WDFY4: variants seen among roughly 807,000 people sequenced by gnomAD.
The protein encoded by WDFY4 is WDFY family member 4, also known as WD repeat- and FYVE domain-containing protein 4.
In WDFY4, 169 loss-of-function variants were observed where a neutral mutation model predicts 351.9. The observed-to-expected ratio is 0.48, with a 90% CI of 0.42 to 0.55. The LOEUF (loss-of-function observed/expected upper bound fraction) is 0.55, where lower values mean the gene tolerates loss of function less well. Ranked by LOEUF, WDFY4 falls within the 20% of genes least tolerant of loss-of-function variation. WDFY4 has a pLI of 0.00. For synonymous variants in WDFY4, 1,622 were observed against 1,574.6 expected, an observed-to-expected ratio of 1.03 and a Z score of -0.71; for missense variants, 3,803 against 3,935.6, an observed-to-expected ratio of 0.97 and a Z score of 0.90.
At chr10:48,768,904 A>G (rs2065769527) in intron 13 of WDFY4, among the ~76,000 whole-genome samples, 1 of 152,192 alleles carries the variant, frequency 6.6e-6, no homozygotes, top group Admixed American at 6.5e-5. Context: ...TGGAAAGGAC[A>G]TTCCCAGCTT....
intron 13 of WDFY4, among the ~76,000 whole-genome samples, chr10:48,772,183 G>A (rs1482329379): frequency 2.6e-5 from 4 of 152,134 alleles, no homozygotes. Flanking sequence ...GGAGAGTGAG[G>A]GAAGCCGGGC....
chr10:48,811,302 G>A (rs752216472), intron 29 of WDFY4, among the ~76,000 whole-genome samples: 2 of 152,168 alleles, frequency 1.3e-5, no homozygotes, highest in Non-Finnish European at 2.9e-5. Context: ...CTGCCCTGTT[G>A]CCTCCTACAT....
chr10:48,692,730 G>A (rs1215328666), intron 1 of WDFY4, among the ~76,000 whole-genome samples: 3 of 152,224 alleles, frequency 2.0e-5, no homozygotes, highest in Non-Finnish European at 2.9e-5. Context: ...GACTGTGCCA[G>A]CCAAGGGCTT....
intron 1 of WDFY4, among the ~76,000 whole-genome samples, chr10:48,705,621 A>G (rs1025493210): frequency 1.3e-5 from 2 of 152,214 alleles, no homozygotes; most frequent in African/African-American, 4.8e-5. Flanking sequence ...GGGCAGCTGC[A>G]GCTTGGCATT....
At chr10:48,698,750 C>T (rs553374001) in intron 1 of WDFY4, among the ~76,000 whole-genome samples, 10 of 152,234 alleles carry the variant, frequency 6.6e-5, no homozygotes, top group East Asian at 1.9e-4. Context: ...ACAGGTCTGG[C>T]GGGTGAAGGG....
chr10:48,688,342 GA>G (rs373721699), intron 1 of WDFY4, among the ~76,000 whole-genome samples: 15 of 150,144 alleles, frequency 1.0e-4, no homozygotes, highest in South Asian at 6.3e-4. Context: ...GCTTTCAACA[GA>G]AAAAAAAACT....
intron 57 of WDFY4, among the ~76,000 whole-genome samples, chr10:48,974,527 A>AAAACAACAAAAAAAAAAAAACAAAACAAC: frequency 4.3e-5 from 1 of 23,148 alleles, no homozygotes; most frequent in African/African-American, 7.3e-5. Flanking sequence ...AAAAAAAAAA[A>AAAACAACAAAAAAAAAAAAACAAAACAAC]AACAACTCAT....
At chr10:48,748,948 C>T (rs1026094353) in intron 12 of WDFY4, among the ~76,000 whole-genome samples, 6 of 152,052 alleles carry the variant, frequency 3.9e-5, no homozygotes, top group Admixed American at 6.6e-5. Context: ...GGAGTCAGGC[C>T]TGCTTGTTCT....
In WDFY4 at chr10:48,946,045, G is replaced by GA. The variant is rs772385789; in HGVS notation, c.7757dup (p.Asn2586LysfsTer31). ...GCTGCACATCTGCCTTCTAGACATTGAACTTGGCAAATCCGAAGATTTTCC... is the reference window on the plus strand; with the variant it reads ...GCTGCACATCTGCCTTCTAGACATTGAAACTTGGCAAATCCGAAGATTTTCC... On this transcript the variant is annotated frameshift_variant, in exon 50 of 62. Transcript: ENST00000325239. LOFTEE classifies it high-confidence loss of function. 2.6e-6 allele frequency: 4 copies of GA among 1,543,362 alleles called. No individual in the cohort carries two copies. The highest frequency in any genetic ancestry group is 3.5e-6 in the Non-Finnish European group (4 of 1,144,618).
chr10:48,979,568 AGGATGGATGGATGGATGGAT>A (rs5784784), intron 60 of WDFY4: 4 of 145,040 alleles, frequency 2.8e-5, no homozygotes, highest in Non-Finnish European at 4.5e-5. Context: ...GATGGATGGA[AGGATGGATGGATGGATGGAT>A]GGATGGATGG....
rs5784784 is a variant in WDFY4 at position 48,979,568 on chromosome 10, A to AGGATGGATGGAT, written c.9376+1219_9376+1230dup. Reference sequence around the variant, plus strand: ...ATGGGTAAATGGATGGATGGATGGAAGGATGGATGGATGGATGGATGGATG... The same window carrying AGGATGGATGGAT: ...ATGGGTAAATGGATGGATGGATGGAAGGATGGATGGATGGATGGATGGATGGATGGATGGATG... On this transcript the variant is annotated intron_variant, in intron 60 of 61. Transcript: ENST00000325239. The AGGATGGATGGAT allele has an allele frequency of 1.0e-3, 147 of 145,154 alleles. 2 individuals carry two copies. Among genetic ancestry groups the AGGATGGATGGAT allele is most frequent in the African/African-American group, 2.7e-3 (105 of 39,152 alleles). The allele number at this position is 145,154 out of a possible 1,614,324, so 9.0% of individuals were successfully genotyped here.
intron 35 of WDFY4, among the ~76,000 whole-genome samples, chr10:48,826,159 C>T (rs151111316): frequency 1.2e-4 from 18 of 152,242 alleles, no homozygotes; most frequent in Admixed American, 3.9e-4. Context: ...GGTCCAGTTT[C>T]GATTTTCTGT....
Position 48,735,919 on chromosome 10 carries a change from T to C in WDFY4, c.1727T>C (p.Ile576Thr). 1 of 1,551,754 alleles carries C rather than the reference T, an allele frequency of 6.4e-7. No homozygotes were observed. The highest frequency in any genetic ancestry group is 2.0e-5 in the Admixed American group (1 of 51,014). The change falls in exon 11 of 62, where the codon ATC becomes ACC. Residue 576 changes from isoleucine (I) to threonine (T), a missense_variant. Coordinates refer to ENST00000325239, the MANE Select transcript of WDFY4 (RefSeq NM_001394531.1). ...CACGGCATGGTGCCCTTCATCAAGA[T>C]CTTCCTGGATGACGAGTGCTACCGG... ...KDHGMVPFIK[I>T]FLDDECYREA... is the part of the protein sequence containing the mutation.
chr10:48,971,292 C>G (rs1306526232), intron 57 of WDFY4, among the ~76,000 whole-genome samples: 1 of 152,098 alleles, frequency 6.6e-6, no homozygotes, highest in Non-Finnish European at 1.5e-5. Flanking sequence ...GTCAGGAGAT[C>G]GAGACCATCC....
rs988283132 is a variant in WDFY4 at position 48,775,750 on chromosome 10, C to T, written c.2807C>T (p.Ala936Val). ...LGLGIPSSLS[A>V]TTKILDSSHT... ...CTTGGAATTCCCTCATCTCTGTCGGCCACAACAAAAATCCTTGATTCATCT... is the reference window on the plus strand; with the variant it reads ...CTTGGAATTCCCTCATCTCTGTCGGTCACAACAAAAATCCTTGATTCATCT... Residue 936 changes from alanine (A) to valine (V), a missense_variant, in exon 15 of 62, where the codon GCC (alanine) becomes GTC (valine). Coordinates refer to ENST00000325239, the MANE Select transcript of WDFY4 (RefSeq NM_001394531.1). 17 of 1,551,578 alleles carry T rather than the reference C, an allele frequency of 1.1e-5. No homozygotes were observed. Among genetic ancestry groups the T allele is most frequent in the African/African-American group, 6.8e-5 (5 of 73,030 alleles).
chr10:48,944,551 C>A (rs1246742650), intron 49 of WDFY4, among the ~76,000 whole-genome samples: 1 of 152,218 alleles, frequency 6.6e-6, no homozygotes, highest in Non-Finnish European at 1.5e-5. Flanking sequence ...CCTGGCCAGT[C>A]CTGCGTAGGG....
rs2064158830 is a variant in WDFY4 at position 48,723,460 on chromosome 10, G to A, written c.484G>A (p.Gly162Arg). The A allele has an allele frequency of 1.9e-6, 3 of 1,550,466 alleles. No individual in the cohort carries two copies. Among genetic ancestry groups the A allele is most frequent in the Middle Eastern group, 2.0e-4 (1 of 5,078 alleles). Residue 162 changes from glycine to arginine, a missense_variant, in exon 5 of 62, where the codon GGG becomes AGG. Physicochemically the swap from Gly to Arg is moderately radical, Grantham distance 125. Coordinates refer to ENST00000325239, the MANE Select transcript of WDFY4 (RefSeq NM_001394531.1). ...SETLGRVAES[G>R]LPALLLQCLY... Reference sequence around the variant, plus strand: ...GACGCTGGGCAGGGTTGCTGAGTCTGGGCTTCCAGCCCTGCTCCTACAGTG... The same window carrying A: ...GACGCTGGGCAGGGTTGCTGAGTCTAGGCTTCCAGCCCTGCTCCTACAGTG...
intron 5 of WDFY4, among the ~76,000 whole-genome samples, chr10:48,724,937 G>A (rs1008676228): frequency 2.0e-5 from 3 of 152,216 alleles, no homozygotes; most frequent in Admixed American, 6.5e-5. Flanking sequence ...GATGGTGACA[G>A]GCTTTTATTT....
chr10:48,717,758 T>C (rs1227264373), intron 2 of WDFY4, among the ~76,000 whole-genome samples: 1 of 152,258 alleles, frequency 6.6e-6, no homozygotes, highest in Non-Finnish European at 1.5e-5. Context: ...CAGTACTATA[T>C]AGTATCCTAT....
Sources: gnomAD v4.1 joint callset for allele counts (sites outside exome capture counted in the v4.1 genomes callset) on GRCh38, gnomAD v4.1.1 for gene constraint, MANE v1.5 for transcripts, NCBI Gene and HGNC (gene_info 2026-07-23, HGNC 2026-07-21) for gene names.